Variants in CRYBG1 observed in about 807,000 individuals in gnomAD.
CRYBG1 encodes crystallin beta-gamma domain containing 1.
A neutral mutation model predicts 189.2 loss-of-function variants in CRYBG1; 139 were observed. The ratio of observed to expected loss-of-function variants is 0.73; its 90% confidence interval spans 0.64 to 0.85. CRYBG1 has a LOEUF of 0.85. Among genes scored for constraint, CRYBG1 ranks in the 40% least tolerant of loss-of-function variants. The pLI, the probability that CRYBG1 is intolerant of heterozygous loss-of-function variation, is 0.00. For synonymous variants in CRYBG1, 1,023 were observed against 1,017.1 expected (o/e 1.01, Z -0.11); for missense variants, 2,611 against 2,675.8 (o/e 0.98, Z 0.53).
At chr6:106,418,143 G>A (rs1004795206) in intron 1 of CRYBG1, among the ~76,000 whole-genome samples, 15 of 152,260 alleles carry the variant, frequency 9.9e-5, no homozygotes, top group Admixed American at 7.2e-4. Flanking sequence ...TTTCTGTGGA[G>A]AGGGGACACA....
rs1253103290 is a variant in CRYBG1 at position 106,544,896 on chromosome 6, G to A, written c.5275G>A (p.Gly1759Arg). ...TGCTAATTTAAAGGAGACTGGATAT[G>A]GAGTGAAGACACAGTCTATTAATGT... is the stretch of plus-strand genomic sequence containing the variant. Reference protein sequence around the residue: ...IVANLKETGYGVKTQSINVLS... With the variant: ...IVANLKETGYRVKTQSINVLS... Residue 1759 changes from glycine to arginine, a missense_variant, in exon 13 of 22, where the codon GGA becomes AGA. Gly to Arg is a moderately radical substitution (Grantham distance 125, BLOSUM62 -2). Coordinates refer to ENST00000633556, the MANE Select transcript of CRYBG1 (RefSeq NM_001371242.2). The A allele has an allele frequency of 3.7e-6, 6 of 1,612,992 alleles. No individual in the cohort carries two copies. The highest frequency in any genetic ancestry group is 1.3e-5 in the African/African-American group (1 of 74,860).
In CRYBG1 at chr6:106,382,750, G is replaced by A. The variant is rs577076962; in HGVS notation, c.173+21669G>A. Among the ~76,000 whole-genome samples the A allele has an allele frequency of 3.9e-5, 6 of 152,124 alleles. No individual in the cohort carries two copies. In the South Asian group the frequency reaches 1.0e-3, roughly 26 times the overall value. On this transcript the variant is annotated intron_variant, in intron 1 of 21. Coordinates refer to ENST00000633556, the MANE Select transcript of CRYBG1 (RefSeq NM_001371242.2). ...TTTAATATTTATGCCAGAATCAAAA[G>A]CCAAGTGTTTGGAAATAGTTTCTGT...
At chr6:106,408,231 A>G (rs1166542837) in intron 1 of CRYBG1, among the ~76,000 whole-genome samples, 3 of 152,240 alleles carry the variant, frequency 2.0e-5, no homozygotes, top group African/African-American at 7.2e-5. Flanking sequence ...ACTGTCAGAG[A>G]ATATTAGAAA....
At chr6:106,430,296 A>C (rs116008016) in intron 1 of CRYBG1, among the ~76,000 whole-genome samples, 1,816 of 152,238 alleles carry the variant, frequency 0.012, 43 homozygotes, top group African/African-American at 0.042. Context: ...AGCTGGATGC[A>C]GTGGCTCACG....
At chr6:106,481,834 T>G (rs1369934663) in intron 2 of CRYBG1, among the ~76,000 whole-genome samples, 2 of 151,668 alleles carry the variant, frequency 1.3e-5, no homozygotes, top group African/African-American at 2.4e-5. Flanking sequence ...GGAGCTGCTC[T>G]CTCCCTGTCC....
intron 1 of CRYBG1, among the ~76,000 whole-genome samples, chr6:106,369,254 A>C (rs1159148429): frequency 1.3e-5 from 2 of 152,200 alleles, no homozygotes; most frequent in Non-Finnish European, 2.9e-5. Flanking sequence ...AACACACACA[A>C]AAAGAAACAC....
At position 106,476,952 on chromosome 6, in the gene CRYBG1, T is replaced by C. The variant is rs529107911; in HGVS notation, c.312+25120T>C. Among the ~76,000 whole-genome samples, 3 of 152,322 alleles carry C rather than the reference T, an allele frequency of 2.0e-5. No homozygotes were observed. The South Asian group carries it at 6.2e-4, about 32-fold the overall frequency. ...TGCTTCAGTTTACTCATCTACCTCA[T>C]CAGGTCATTGTGAGGATACATGTGT... On this transcript the variant is annotated intron_variant, in intron 2 of 21. Transcript: ENST00000633556.
At chr6:106,473,795 T>C (rs1268596504) in intron 2 of CRYBG1, among the ~76,000 whole-genome samples, 1 of 152,234 alleles carries the variant, frequency 6.6e-6, no homozygotes, top group African/African-American at 2.4e-5. Flanking sequence ...TTCTTACTTC[T>C]GTGGCACATG....
chr6:106,543,516 A>G lies in CRYBG1; in HGVS notation c.4958A>G (p.Glu1653Gly), dbSNP rs1774187994. Residue 1653 changes from glutamate to glycine, a missense_variant, in exon 11 of 22, where the codon GAG (glutamate) becomes GGG (glycine). Around this residue, in one of 3 missense-constraint regions of CRYBG1, gnomAD observed 1,622 missense variants for 1,735.0 expected, o/e 0.93. Coordinates refer to ENST00000633556, the MANE Select transcript of CRYBG1 (RefSeq NM_001371242.2). The part of the protein sequence containing the change: ...LETGMCSFVM[E>G]GGETEEATGD... The stretch of plus-strand genomic sequence containing the variant: ...ACAGGAATGTGTAGTTTTGTCATGG[A>G]GGGAGGTGAAACAGAAGAGGCGACT... 4 of 1,613,926 alleles carry G rather than the reference A, an allele frequency of 2.5e-6. No individual in the cohort carries two copies. Among genetic ancestry groups the G allele is most frequent in the Admixed American group, 1.7e-5 (1 of 59,996 alleles).
Position 106,360,730 on chromosome 6 carries a change from C to G in CRYBG1, c.-179C>G, listed in dbSNP as rs1222769792. The G allele has an allele frequency of 3.1e-6, 2 of 642,950 alleles. No individual in the cohort carries two copies. The highest frequency in any genetic ancestry group is 4.9e-6 in the Non-Finnish European group (2 of 408,820). 39.8% of individuals were successfully genotyped at this position (642,950 alleles called of 1,614,324 possible). A position where few individuals can be genotyped will look rare whatever the true frequency, so the allele number is the denominator to read the frequency against. ...AGCTCGGGCTGCAGTGCTGCTCGCGCTGCGCTGGGTGCTGGTTCTGCAACC... is the reference window on the plus strand; with the variant it reads ...AGCTCGGGCTGCAGTGCTGCTCGCGGTGCGCTGGGTGCTGGTTCTGCAACC... On this transcript the variant is annotated 5_prime_UTR_variant, in exon 1 of 22. Transcript: ENST00000633556.
chr6:106,544,862 G>C lies in CRYBG1; in HGVS notation c.5241G>C (p.Leu1747Phe), dbSNP rs1164363260. The change falls in exon 13 of 22, where the codon TTG becomes TTC. Residue 1747 changes from leucine (L) to phenylalanine (F), a missense_variant. Transcript: ENST00000633556. ...FGSKGSSIDV[L>F]GIVANLKETG... ...CCAAAGGTTCCAGTATTGATGTATT[G>C]GGAATTGTTGCTAATTTAAAGGAGA... The C allele has an allele frequency of 6.2e-7, 1 of 1,613,786 alleles. No homozygotes were observed. Among genetic ancestry groups the C allele is most frequent in the African/African-American group, 1.3e-5 (1 of 75,014 alleles).
intron 1 of CRYBG1, among the ~76,000 whole-genome samples, chr6:106,450,658 G>A (rs1016141085): frequency 4.6e-5 from 7 of 152,180 alleles, no homozygotes; most frequent in African/African-American, 1.7e-4. Flanking sequence ...TCAAGAGATA[G>A]GTATTTCCTC....
At chr6:106,518,967 A>ATG (rs1026678871) in intron 3 of CRYBG1, among the ~76,000 whole-genome samples, 164 bp from the exon 4 acceptor site, 2 of 57,362 alleles carry the variant, frequency 3.5e-5, no homozygotes, top group East Asian at 3.2e-4. Flanking sequence ...TTAAAAACAC[A>ATG]TGTGTGCGCA....
At chr6:106,429,962 T>C (rs997289602) in intron 1 of CRYBG1, among the ~76,000 whole-genome samples, 2 of 152,238 alleles carry the variant, frequency 1.3e-5, no homozygotes, top group African/African-American at 4.8e-5. Flanking sequence ...TTTAAAATAG[T>C]AAGAGATCAA....
rs933799101 is a variant in CRYBG1, at chr6:106,569,117, G to C, written c.*551G>C. 1 of 152,142 alleles carries C rather than the reference G, an allele frequency of 6.6e-6. No individual in the cohort carries two copies. Among genetic ancestry groups the C allele is most frequent in the African/African-American group, 2.4e-5 (1 of 41,426 alleles). The allele number at this position is 152,142 out of a possible 1,614,324, so 9.4% of individuals were successfully genotyped here. A position where few individuals can be genotyped will look rare whatever the true frequency, so the allele number is the denominator to read the frequency against. ...TGCATAGCACAATGGGAAAGCCTTA[G>C]GTATTCACACATTTAAGGAACTCTA... is the stretch of plus-strand genomic sequence containing the variant. On this transcript the variant is annotated 3_prime_UTR_variant, in exon 22 of 22. Coordinates refer to ENST00000633556, the MANE Select transcript of CRYBG1 (RefSeq NM_001371242.2).
intron 1 of CRYBG1, among the ~76,000 whole-genome samples, chr6:106,443,582 A>G (rs1269266350): frequency 6.6e-6 from 1 of 152,206 alleles, no homozygotes; most frequent in African/African-American, 2.4e-5. Context: ...AAATGCGATG[A>G]CAAAGGACCC....
At chr6:106,459,015 C>T (rs1318399293) in intron 2 of CRYBG1, among the ~76,000 whole-genome samples, 1 of 152,186 alleles carries the variant, frequency 6.6e-6, no homozygotes, top group Non-Finnish European at 1.5e-5. Flanking sequence ...TCATGGCACA[C>T]TATATCTCAT....
At chr6:106,372,515 A>C (rs1186194078) in intron 1 of CRYBG1, among the ~76,000 whole-genome samples, 3 of 152,122 alleles carry the variant, frequency 2.0e-5, no homozygotes, top group Non-Finnish European at 4.4e-5. Context: ...GCCTCCCAAA[A>C]TGCTGGGATT....
At chr6:106,393,843 A>G (rs922484849) in intron 1 of CRYBG1, among the ~76,000 whole-genome samples, 3 of 151,704 alleles carry the variant, frequency 2.0e-5, no homozygotes, top group Non-Finnish European at 2.9e-5. Flanking sequence ...TGGCTAATTT[A>G]TGTATTTTTA....
Sources: allele counts gnomAD v4.1 joint callset (sites outside exome capture counted in the v4.1 genomes callset), GRCh38; gene constraint gnomAD v4.1.1; regional missense constraint gnomAD v4.1.1; transcripts MANE v1.5; gene names NCBI Gene and HGNC (gene_info 2026-07-23, HGNC 2026-07-21).